TMCC1: variants seen among roughly 807,000 people sequenced by gnomAD.
TMCC1 encodes transmembrane and coiled-coil domain family 1, also known as transmembrane and coiled-coil domains protein 1.
Under a neutral mutation model 52.4 loss-of-function variants are expected in TMCC1, and 15 were observed. The ratio of observed to expected loss-of-function variants is 0.29; its 90% confidence interval spans 0.19 to 0.44. TMCC1 has a LOEUF of 0.44. Among genes scored for constraint, TMCC1 ranks in the 20% least tolerant of loss-of-function variants. The pLI is 1.00. For synonymous variants in TMCC1, 279 were observed against 301.9 expected (o/e 0.92, Z 0.79); for missense variants, 503 against 806.0 (o/e 0.62, Z 4.55).
At chr3:129,838,182 G>A (rs1321092187) in intron 2 of TMCC1, among the ~76,000 whole-genome samples, 2 of 152,066 alleles carry the variant, frequency 1.3e-5, no homozygotes, top group Admixed American at 6.6e-5. Flanking sequence ...AGGCTGAGGC[G>A]GGAGGATGGC....
At chr3:129,672,766 A>G (rs1160434697) in intron 4 of TMCC1, among the ~76,000 whole-genome samples, 1 of 152,172 alleles carries the variant, frequency 6.6e-6, no homozygotes, top group Non-Finnish European at 1.5e-5. Context: ...ATTTGCTAGA[A>G]AGAACTATAT....
intron 4 of TMCC1, among the ~76,000 whole-genome samples, chr3:129,729,547 C>T (rs1576607576): frequency 1.3e-5 from 2 of 152,040 alleles, no homozygotes; most frequent in African/African-American, 4.8e-5. Context: ...AAATATTGGC[C>T]AGGCACAGTA....
intron 4 of TMCC1, among the ~76,000 whole-genome samples, chr3:129,757,131 C>T (rs1460372067): frequency 6.6e-6 from 1 of 152,190 alleles, no homozygotes; most frequent in Non-Finnish European, 1.5e-5. Context: ...TAACAGTCAA[C>T]ACCAGAGTCA....
intron 4 of TMCC1, among the ~76,000 whole-genome samples, chr3:129,751,106 T>C (rs543826534): frequency 4.0e-5 from 6 of 151,822 alleles, no homozygotes; most frequent in Non-Finnish European, 7.4e-5. Context: ...GAAGCTGAGG[T>C]GAGAGGATCA....
chr3:129,875,997 T>G (rs1295498477), intron 2 of TMCC1, among the ~76,000 whole-genome samples: 1 of 151,996 alleles, frequency 6.6e-6, no homozygotes, highest in East Asian at 1.9e-4. Flanking sequence ...TAGCTGGGTG[T>G]GATGGCACAT....
intron 4 of TMCC1, among the ~76,000 whole-genome samples, chr3:129,749,643 T>A (rs1364799029): frequency 6.6e-6 from 1 of 152,192 alleles, no homozygotes; most frequent in Non-Finnish European, 1.5e-5. Context: ...AAGACTAAGT[T>A]ATAACTATCA....
intron 1 of TMCC1, among the ~76,000 whole-genome samples, chr3:129,886,510 G>A (rs1175357868): frequency 6.6e-6 from 1 of 152,136 alleles, no homozygotes; most frequent in African/African-American, 2.4e-5. Context: ...ATTCAGAACA[G>A]CCTACTGATG....
At chr3:129,764,733 T>TTGTGTGTGTGTGTGTGTG (rs150255907) in intron 4 of TMCC1, among the ~76,000 whole-genome samples, 1 of 58,068 alleles carries the variant, frequency 1.7e-5, no homozygotes, top group Non-Finnish European at 3.6e-5. Flanking sequence ...TCCTATAATA[T>TTGTGTGTGTGTGTGTGTG]TGTGTGTGTG....
At chr3:129,684,903 C>T (rs2089292591) in intron 4 of TMCC1, among the ~76,000 whole-genome samples, 1 of 152,078 alleles carries the variant, frequency 6.6e-6, no homozygotes, top group African/African-American at 2.4e-5. Context: ...ATTCATTTTG[C>T]AATTATTTTT....
At chr3:129,883,299 G>A (rs756736284) in intron 1 of TMCC1, among the ~76,000 whole-genome samples, 93 of 149,960 alleles carry the variant, frequency 6.2e-4, no homozygotes, top group Non-Finnish European at 9.5e-4. Context: ...GTGACAGAGC[G>A]AGACAATCAA....
At chr3:129,865,507 T>C (rs1380227780) in intron 2 of TMCC1, among the ~76,000 whole-genome samples, 2 of 152,146 alleles carry the variant, frequency 1.3e-5, no homozygotes, top group African/African-American at 2.4e-5. Flanking sequence ...AAAATATGGA[T>C]GGCTATCAAA....
At chr3:129,868,427 C>T (rs564505672) in intron 2 of TMCC1, among the ~76,000 whole-genome samples, 67 of 152,220 alleles carry the variant, frequency 4.4e-4, no homozygotes, top group African/African-American at 1.4e-3. Context: ...AGGAATATGG[C>T]ATTTAGCTGT....
intron 2 of TMCC1, among the ~76,000 whole-genome samples, chr3:129,862,644 GC>G (rs2060447372): frequency 6.6e-6 from 1 of 152,086 alleles, no homozygotes; most frequent in African/African-American, 2.4e-5. Flanking sequence ...ATGAGGTTAG[GC>G]CTCATCCACA....
In TMCC1 at chr3:129,827,830, T is replaced by A; in HGVS notation, c.549A>T (p.Leu183=). Residue 183 remains leucine, a synonymous_variant, in exon 4 of 7, where the codon CTA becomes CTT. Coordinates refer to ENST00000393238, the MANE Select transcript of TMCC1 (RefSeq NM_001017395.5). ...CAAAAAAAAC[L]PGEEGTAERI... ...GCTCCGCAGTTCCCTCCTCTCCTGG[T>A]AGACATGCAGCAGCAGCAGCAGCAG... is the stretch of plus-strand genomic sequence containing the variant. 2 of 1,613,934 alleles carry A rather than the reference T, an allele frequency of 1.2e-6. No individual in the cohort carries two copies. The highest frequency in any genetic ancestry group is 2.2e-5 in the South Asian group (2 of 91,078).
intron 1 of TMCC1, among the ~76,000 whole-genome samples, chr3:129,887,003 G>A (rs2061737979): frequency 6.6e-6 from 1 of 152,050 alleles, no homozygotes; most frequent in African/African-American, 2.4e-5. Context: ...TATGTGACAT[G>A]TTTAGAATAG....
chr3:129,754,574 C>T (rs1421921996), intron 4 of TMCC1, among the ~76,000 whole-genome samples: 1 of 152,124 alleles, frequency 6.6e-6, no homozygotes, highest in African/African-American at 2.4e-5. Context: ...ATATAGCCAA[C>T]TGCATTTTTA....
At chr3:129,796,326 T>G (rs1167572119) in intron 4 of TMCC1, among the ~76,000 whole-genome samples, 1 of 152,162 alleles carries the variant, frequency 6.6e-6, no homozygotes, top group East Asian at 1.9e-4. Context: ...TCTACGATGT[T>G]CTCACAATGA....
chr3:129,701,622 G>A (rs2047844553), intron 4 of TMCC1, among the ~76,000 whole-genome samples: 1 of 152,188 alleles, frequency 6.6e-6, no homozygotes, highest in African/African-American at 2.4e-5. Flanking sequence ...GGCAAGAGAG[G>A]CTTTTGTTTA....
chr3:129,736,775 C>T (rs187283315), intron 4 of TMCC1, among the ~76,000 whole-genome samples: 150 of 152,138 alleles, frequency 9.9e-4, no homozygotes, highest in African/African-American at 3.4e-3. Flanking sequence ...CTGGCTCAGC[C>T]TCCCAAAGTG....
Sources: allele counts gnomAD v4.1 joint callset (sites outside exome capture counted in the v4.1 genomes callset), GRCh38; gene constraint gnomAD v4.1.1; transcripts MANE v1.5; gene names NCBI Gene and HGNC (gene_info 2026-07-23, HGNC 2026-07-21).